The following CSMD3 variants were observed in gnomAD, a reference collection of about 807,000 sequenced individuals.
The protein encoded by CSMD3 is CUB and sushi domain-containing protein 3.
Under a neutral mutation model 435.2 loss-of-function variants are expected in CSMD3, and 177 were observed. The ratio of observed to expected loss-of-function variants is 0.41; its 90% CI spans 0.36 to 0.46. CSMD3 has a LOEUF of 0.46. CSMD3 is among the 20% of genes least tolerant of loss of function. The pLI is 0.34. For synonymous variants in CSMD3, 1,656 were observed against 1,520.5 expected (o/e 1.09, Z -2.07); for missense variants, 4,265 against 4,504.6 (o/e 0.95, Z 1.52).
chr8:112,255,855 C>T (rs1815740357), intron 61 of CSMD3: 1 of 177,288 alleles, frequency 5.6e-6, no homozygotes, highest in Non-Finnish European at 1.2e-5. Flanking sequence ...TGCCCTTTTA[C>T]ATGTATATAA....
chr8:113,220,303 A>T (rs1163036675), intron 3 of CSMD3, among the ~76,000 whole-genome samples: 2 of 151,328 alleles, frequency 1.3e-5, no homozygotes. Context: ...CCTTGGAGAA[A>T]TGGCTGATTC....
chr8:113,291,177 A>G (rs942289827), intron 2 of CSMD3, among the ~76,000 whole-genome samples: 1 of 151,614 alleles, frequency 6.6e-6, no homozygotes, highest in African/African-American at 2.4e-5. Context: ...AGTTGTTGAA[A>G]ACCATGGAAA....
At chr8:113,253,600 G>C (rs1481110380) in intron 3 of CSMD3, among the ~76,000 whole-genome samples, 1 of 151,880 alleles carries the variant, frequency 6.6e-6, no homozygotes, top group Non-Finnish European at 1.5e-5. Flanking sequence ...CCAGCACTTT[G>C]GTAGGCCGAG....
At chr8:113,058,020 G>A (rs1251615647) in intron 5 of CSMD3, among the ~76,000 whole-genome samples, 4 of 151,718 alleles carry the variant, frequency 2.6e-5, no homozygotes, top group African/African-American at 9.7e-5. Context: ...TTAGTAAGTG[G>A]AATATTTTAA....
intron 9 of CSMD3, among the ~76,000 whole-genome samples, chr8:112,939,997 C>G (rs771938759): frequency 5.3e-5 from 8 of 151,842 alleles, no homozygotes; most frequent in Non-Finnish European, 8.8e-5. Context: ...TGGGGAGAGA[C>G]AGAACACCTT....
chr8:112,508,091 C>A (rs1318852823), intron 28 of CSMD3, among the ~76,000 whole-genome samples: 1 of 152,062 alleles, frequency 6.6e-6, no homozygotes, highest in Non-Finnish European at 1.5e-5. Flanking sequence ...AAGATATCAC[C>A]GTCAACCTGG....
At chr8:112,441,667 G>C (rs1815035274) in intron 32 of CSMD3, among the ~76,000 whole-genome samples, 1 of 152,190 alleles carries the variant, frequency 6.6e-6, no homozygotes, top group South Asian at 2.1e-4. Context: ...TACAATCATG[G>C]CAGAAGCAAA....
chr8:112,300,574 G>A (rs929583623), intron 53 of CSMD3, among the ~76,000 whole-genome samples: 1 of 151,854 alleles, frequency 6.6e-6, no homozygotes, highest in Non-Finnish European at 1.5e-5. Flanking sequence ...TCACCACTCT[G>A]CTCTGTCTAG....
intron 38 of CSMD3, among the ~76,000 whole-genome samples, chr8:112,361,572 CATATATATATATATATATATATATATAT>C (rs4030099): frequency 0.026 from 2,834 of 107,212 alleles, 92 homozygotes; most frequent in Middle Eastern, 0.088. Flanking sequence ...TATACACATA[CATATATATATATATATATATATATATAT>C]ATATATATAT....
At chr8:113,296,807 T>A (rs1255515818) in intron 2 of CSMD3, among the ~76,000 whole-genome samples, 1 of 152,148 alleles carries the variant, frequency 6.6e-6, no homozygotes, top group Non-Finnish European at 1.5e-5. Flanking sequence ...CAACATTGTC[T>A]CTAATTCGTA....
At chr8:112,494,131 T>C (rs1244180503) in intron 30 of CSMD3, among the ~76,000 whole-genome samples, 1 of 152,120 alleles carries the variant, frequency 6.6e-6, no homozygotes, top group African/African-American at 2.4e-5. Context: ...TTTTAAGAAA[T>C]AATGAGAAAT....
intron 4 of CSMD3, among the ~76,000 whole-genome samples, chr8:113,156,879 C>A (rs2091944093): frequency 6.6e-6 from 1 of 151,476 alleles, no homozygotes; most frequent in Admixed American, 6.6e-5. Flanking sequence ...TGTAAGTGAG[C>A]CTTTATCGGG....
At chr8:113,433,944 G>A (rs927494277) in intron 1 of CSMD3, among the ~76,000 whole-genome samples, 2 of 152,166 alleles carry the variant, frequency 1.3e-5, no homozygotes, top group Non-Finnish European at 2.9e-5. Context: ...AGTCTAGGCA[G>A]CACCTGCCCT....
intron 2 of CSMD3, among the ~76,000 whole-genome samples, chr8:113,308,490 G>T (rs1387902604): frequency 6.6e-6 from 1 of 151,740 alleles, no homozygotes; most frequent in East Asian, 1.9e-4. Flanking sequence ...GGATAGTCTC[G>T]ATCTCCTAAC....
intron 30 of CSMD3, among the ~76,000 whole-genome samples, chr8:112,500,982 A>G (rs987664696): frequency 1.3e-5 from 2 of 152,144 alleles, no homozygotes; most frequent in Non-Finnish European, 2.9e-5. Context: ...TGTGGGCCCT[A>G]TGTAACTCAG....
intron 1 of CSMD3, among the ~76,000 whole-genome samples, chr8:113,400,311 T>C (rs866439106): frequency 1.1e-4 from 16 of 151,946 alleles, no homozygotes; most frequent in African/African-American, 3.4e-4. Context: ...ATCAGCATCT[T>C]TAAATGTTCC....
chr8:112,377,833 A>G (rs1014568425), intron 38 of CSMD3, among the ~76,000 whole-genome samples: 1 of 152,140 alleles, frequency 6.6e-6, no homozygotes, highest in South Asian at 2.1e-4. Context: ...AACTAGGTAT[A>G]TAAGAAATTT....
At chr8:112,953,062 G>A (rs549245928) in intron 8 of CSMD3, among the ~76,000 whole-genome samples, 4 of 151,450 alleles carry the variant, frequency 2.6e-5, no homozygotes, top group East Asian at 3.9e-4. Context: ...GAATTTCCCT[G>A]AACATTTGGA....
At chr8:113,276,244 G>A (rs545786915) in intron 3 of CSMD3, among the ~76,000 whole-genome samples, 1 of 152,194 alleles carries the variant, frequency 6.6e-6, no homozygotes, top group African/African-American at 2.4e-5. Context: ...TAAGGTTAAG[G>A]ACTTTATGAT....
Sources: allele counts gnomAD v4.1 joint callset (sites outside exome capture counted in the v4.1 genomes callset), GRCh38; gene constraint gnomAD v4.1.1; transcripts MANE v1.5; gene names NCBI Gene and HGNC (gene_info 2026-07-23, HGNC 2026-07-21).